Variants in TTC28 observed in about 807,000 individuals in gnomAD.
The protein encoded by TTC28 is tetratricopeptide repeat domain 28, also known as tetratricopeptide repeat protein 28.
A neutral mutation model predicts 198.0 loss-of-function variants in TTC28; 61 were observed. The observed-to-expected ratio is 0.31, with a 90% CI of 0.25 to 0.38. TTC28 has a LOEUF of 0.38. Among genes scored for constraint, TTC28 ranks in the 10% least tolerant of loss-of-function variants. TTC28 has a pLI of 1.00. For synonymous variants in TTC28, 1,171 were observed against 1,297.8 expected, an observed-to-expected ratio of 0.90 and a Z score of 2.10; for missense variants, 2,678 against 3,164.0, an observed-to-expected ratio of 0.85 and a Z score of 3.69.
intron 2 of TTC28, among the ~76,000 whole-genome samples, chr22:28,497,970 A>T (rs544657490): frequency 1.3e-5 from 2 of 152,152 alleles, no homozygotes; most frequent in Non-Finnish European, 2.9e-5. Flanking sequence ...ACAATTAGCA[A>T]AAGAAGAGAA....
intron 2 of TTC28, among the ~76,000 whole-genome samples, chr22:28,493,796 G>A (rs2048412051): frequency 6.6e-6 from 1 of 152,098 alleles, no homozygotes; most frequent in Non-Finnish European, 1.5e-5. Context: ...AAATAGAAAG[G>A]ACACCACAAC....
At chr22:28,628,386 GAAGTA>G (rs928523357) in intron 2 of TTC28, among the ~76,000 whole-genome samples, 2 of 152,076 alleles carry the variant, frequency 1.3e-5, no homozygotes, top group Non-Finnish European at 2.9e-5. Flanking sequence ...TATATGAAGT[GAAGTA>G]ATTATTGTAG....
intron 2 of TTC28, among the ~76,000 whole-genome samples, chr22:28,320,532 T>C (rs190635654): frequency 3.9e-5 from 6 of 152,328 alleles, no homozygotes; most frequent in East Asian, 1.9e-4. Flanking sequence ...AGTCTTTTCT[T>C]TGGCTTCTTA....
intron 1 of TTC28, among the ~76,000 whole-genome samples, chr22:28,662,351 T>C (rs769152269): frequency 1.3e-5 from 2 of 152,192 alleles, no homozygotes; most frequent in Non-Finnish European, 2.9e-5. Flanking sequence ...AAAGACAGTC[T>C]AAGGCAAATG....
chr22:28,655,899 A>G (rs1405271219), intron 1 of TTC28, among the ~76,000 whole-genome samples: 1 of 152,074 alleles, frequency 6.6e-6, no homozygotes, highest in Non-Finnish European at 1.5e-5. Flanking sequence ...AAAATAGGTA[A>G]TGACAAGTTC....
chr22:27,992,829 G>A (rs947462195), intron 18 of TTC28, 166 bp from the exon 19 acceptor site: 9 of 692,630 alleles, frequency 1.3e-5, no homozygotes, highest in Admixed American at 2.9e-5. Context: ...AAAGGACAGC[G>A]TGGTCTCCCA....
intron 2 of TTC28, among the ~76,000 whole-genome samples, chr22:28,480,182 C>T (rs6005790): frequency 6.6e-6 from 1 of 151,922 alleles, no homozygotes; most frequent in East Asian, 1.9e-4. Context: ...CAAGAGTGCT[C>T]CTACAAGCAT....
chr22:28,024,697 C>T (rs1336544166), intron 13 of TTC28, among the ~76,000 whole-genome samples: 1 of 152,232 alleles, frequency 6.6e-6, no homozygotes, highest in East Asian at 1.9e-4. Flanking sequence ...GGGCAATTCA[C>T]CTTGCTGAGC....
chr22:28,041,054 TACAAACTACTGGTCA>T (rs1939615771), intron 12 of TTC28, among the ~76,000 whole-genome samples: 1 of 152,136 alleles, frequency 6.6e-6, no homozygotes, highest in Non-Finnish European at 1.5e-5. Context: ...CAAGGAAAAC[TACAAACTACTGGTCA>T]ACAAAATAAA....
At chr22:28,487,278 G>A (rs2048324496) in intron 2 of TTC28, among the ~76,000 whole-genome samples, 1 of 150,858 alleles carries the variant, frequency 6.6e-6, no homozygotes, top group Non-Finnish European at 1.5e-5. Flanking sequence ...TTTAAAAACT[G>A]GATATTATAA....
At chr22:27,996,050 A>G in intron 17 of TTC28, 85 bp downstream of exon 17, 1 of 1,481,754 alleles carries the variant, frequency 6.7e-7, no homozygotes, top group East Asian at 2.5e-5. Flanking sequence ...AACTGCTCAC[A>G]TCCCCGTGTA....
chr22:28,001,689 G>A (rs1937701161), intron 14 of TTC28, 136 bp from the exon 15 acceptor site: 8 of 1,051,500 alleles, frequency 7.6e-6, no homozygotes, highest in African/African-American at 1.6e-5. Flanking sequence ...GGGCGCCATG[G>A]GGCATGGGCC....
At chr22:28,491,364 A>C (rs1229353239) in intron 2 of TTC28, among the ~76,000 whole-genome samples, 2 of 152,240 alleles carry the variant, frequency 1.3e-5, no homozygotes, top group Non-Finnish European at 2.9e-5. Flanking sequence ...TACTTATCTG[A>C]CAAAGGGCTA....
Position 27,993,685 on chromosome 22 carries a change from A to G in TTC28, c.5245-167T>C, listed in dbSNP as rs112326708. On this transcript the variant is annotated intron_variant, in intron 17 of 22. Transcript: ENST00000397906. ...TGTGACACTGGGGCACTGACTAGGC[A>G]TCTTGCAAGGGAGGGCACAGAAGGG... The G allele has an allele frequency of 6.5e-5, 42 of 645,444 alleles. 1 individual carries two copies. In the African/African-American group the frequency reaches 6.8e-4, roughly 10 times the overall value. 40.0% of individuals were successfully genotyped at this position (645,444 alleles called of 1,614,324 possible). A position where few individuals can be genotyped will look rare whatever the true frequency, so the allele number is the denominator to read the frequency against.
Position 28,107,261 on chromosome 22 carries a change from C to T in TTC28, c.2584G>A (p.Ala862Thr). ...TTTCCACTTAGCTGCTGCAGCATGGCCAATTGCTGCTCAAAGTAGCCAATG... is the reference window on the plus strand; with the variant it reads ...TTTCCACTTAGCTGCTGCAGCATGGTCAATTGCTGCTCAAAGTAGCCAATG... Reference protein sequence around the residue: ...EAIGYFEQQLAMLQQLSGNES... With the variant: ...EAIGYFEQQLTMLQQLSGNES... Residue 862 changes from alanine to threonine, a missense_variant, in exon 7 of 23, where the codon GCC becomes ACC. Coordinates refer to ENST00000397906, the MANE Select transcript of TTC28 (RefSeq NM_001145418.2). 6.4e-7 allele frequency: 1 copy of T among 1,551,750 alleles called. No individual in the cohort carries two copies. The highest frequency in any genetic ancestry group is 8.7e-7 in the Non-Finnish European group (1 of 1,147,012).
At chr22:28,672,595 T>C (rs1343097838) in intron 1 of TTC28, among the ~76,000 whole-genome samples, 2 of 152,232 alleles carry the variant, frequency 1.3e-5, no homozygotes, top group South Asian at 4.1e-4. Context: ...CCACCACACC[T>C]GGCCTAAAAT....
At chr22:28,362,389 A>C (rs2046173149) in intron 2 of TTC28, among the ~76,000 whole-genome samples, 1 of 151,968 alleles carries the variant, frequency 6.6e-6, no homozygotes, top group Non-Finnish European at 1.5e-5. Flanking sequence ...AGCCACATGG[A>C]ACTGCAAGTC....
intron 1 of TTC28, among the ~76,000 whole-genome samples, chr22:28,669,843 T>G (rs1010917270): frequency 6.6e-6 from 1 of 152,218 alleles, no homozygotes; most frequent in African/African-American, 2.4e-5. Flanking sequence ...ATTCTACTAT[T>G]TCCCAAAATA....
chr22:28,284,576 A>C (rs758775122), intron 5 of TTC28, among the ~76,000 whole-genome samples: 5 of 152,180 alleles, frequency 3.3e-5, no homozygotes, highest in Non-Finnish European at 5.9e-5. Context: ...CAAAATGAAA[A>C]GGCAATCTAC....
Sources: gnomAD v4.1 joint callset for allele counts (sites outside exome capture counted in the v4.1 genomes callset) on GRCh38, gnomAD v4.1.1 for gene constraint, MANE v1.5 for transcripts, NCBI Gene and HGNC (gene_info 2026-07-23, HGNC 2026-07-21) for gene names.